The following UGT1A7 variants were observed in gnomAD, a reference collection of about 807,000 sequenced individuals.
UGT1A7 encodes UDP glucuronosyltransferase family 1 member A7, also known as UDP-glucuronosyltransferase 1A7.
Under a neutral mutation model 45.6 loss-of-function variants are expected in UGT1A7, and 33 were observed. The observed-to-expected ratio is 0.72, with a 90% CI of 0.55 to 0.97. The LOEUF is 0.97. UGT1A7 is among the 50% of genes least tolerant of loss of function. The probability of loss-of-function intolerance (pLI) is 0.00; values close to 1 mark genes in which losing one functional copy is unlikely to be tolerated. For missense variants in UGT1A7, 684 were observed against 666.2 expected (o/e 1.03, Z -0.29); for synonymous variants, 274 against 250.6 (o/e 1.09, Z -0.88).
chr2:233,719,009 A>G (rs762473757), intron 1 of UGT1A7: 43 of 1,614,078 alleles, frequency 2.7e-5, no homozygotes, highest in Admixed American at 2.3e-4. Flanking sequence ...TCCTCACCCC[A>G]GAGGTGAATA....
chr2:233,717,702 G>A, intron 1 of UGT1A7: 1 of 450,266 alleles, frequency 2.2e-6, no homozygotes, highest in Non-Finnish European at 4.5e-6. Flanking sequence ...TTCTGGAGCA[G>A]GACGAGCCTC....
At chr2:233,691,164 CT>C (rs1275224521) in intron 1 of UGT1A7, 1 of 985,620 alleles carries the variant, frequency 1.0e-6, no homozygotes, top group African/African-American at 1.7e-5. Flanking sequence ...GGAAACCTGC[CT>C]AATGTCTGCC....
intron 1 of UGT1A7, among the ~76,000 whole-genome samples, chr2:233,704,279 G>T (rs1481908490): frequency 9.5e-6 from 1 of 104,872 alleles, no homozygotes; most frequent in African/African-American, 4.5e-5. Context: ...TTTGCATTGA[G>T]TGAATATTTT....
intron 1 of UGT1A7, among the ~76,000 whole-genome samples, chr2:233,695,873 C>T (rs1342839498): frequency 6.6e-6 from 1 of 152,156 alleles, no homozygotes; most frequent in African/African-American, 2.4e-5. Context: ...ACAAACAACG[C>T]AGAAAACTTC....
intron 1 of UGT1A7, chr2:233,713,111 C>G: frequency 6.2e-7 from 1 of 1,614,252 alleles, no homozygotes; most frequent in Non-Finnish European, 8.5e-7. Context: ...ATGGCAGCCA[C>G]TGGCTCAGCA....
Position 233,742,350 on chromosome 2 carries a change from T to G in UGT1A7, c.856-24684T>G, listed in dbSNP as rs566927246. On this transcript the variant is annotated intron_variant, in intron 1 of 4. Transcript: ENST00000373426. ...CAAAGGGATGGGCTCTGGCTAATTATCTGCAGCAGAAACATGTCCTTAAGG... is the reference window on the plus strand; with the variant it reads ...CAAAGGGATGGGCTCTGGCTAATTAGCTGCAGCAGAAACATGTCCTTAAGG... Among the ~76,000 whole-genome samples, 10 of 152,136 alleles carry G rather than the reference T, an allele frequency of 6.6e-5. No homozygotes were observed. The East Asian group carries it at 9.6e-4, about 15-fold the overall frequency.
intron 1 of UGT1A7, chr2:233,729,228 G>A (rs752170717): frequency 1.9e-6 from 3 of 1,614,046 alleles, no homozygotes; most frequent in South Asian, 1.1e-5. Context: ...TGTTGGTGGT[G>A]CCCATTGATG....
intron 1 of UGT1A7, chr2:233,693,775 T>C (rs775225798): frequency 6.2e-7 from 1 of 1,614,262 alleles, no homozygotes; most frequent in South Asian, 1.1e-5. Context: ...TGTTAAGATA[T>C]GACTTTGTGC....
At chr2:233,717,127 G>C (rs182084738) in intron 1 of UGT1A7, among the ~76,000 whole-genome samples, 1 of 152,148 alleles carries the variant, frequency 6.6e-6, no homozygotes, top group South Asian at 2.1e-4. Context: ...CATGGAAATA[G>C]AACACCACTA....
intron 1 of UGT1A7, chr2:233,754,390 C>T (rs1695467678): frequency 3.3e-6 from 1 of 303,086 alleles, no homozygotes; most frequent in Admixed American, 4.5e-5. Context: ...AACAGAGGTC[C>T]TATCCGTGCA....
At chr2:233,743,556 T>A in intron 1 of UGT1A7, 1 of 1,367,030 alleles carries the variant, frequency 7.3e-7, no homozygotes, top group Non-Finnish European at 9.8e-7. Flanking sequence ...CCCAAAATAT[T>A]CTCCAGCGGG....
intron 4 of UGT1A7, chr2:233,770,334 G>T (rs1260169235): frequency 6.6e-6 from 1 of 152,106 alleles, no homozygotes; most frequent in East Asian, 1.9e-4. Flanking sequence ...GGCCATAATA[G>T]GTGCTCAATT....
At chr2:233,717,660 C>T (rs1182595168) in intron 1 of UGT1A7, 1 of 409,710 alleles carries the variant, frequency 2.4e-6, no homozygotes, top group Non-Finnish European at 5.0e-6. Context: ...AAGGAAGCAT[C>T]AGCAATCTTG....
At chr2:233,742,318 C>T (rs4663966) in intron 1 of UGT1A7, among the ~76,000 whole-genome samples, 10,868 of 151,974 alleles carry the variant, frequency 0.072, 603 homozygotes, top group East Asian at 0.2. Flanking sequence ...GTATTCCTTA[C>T]GGGAAACAAA....
chr2:233,716,902 C>A (rs2076532404), intron 1 of UGT1A7, among the ~76,000 whole-genome samples: 1 of 152,154 alleles, frequency 6.6e-6, no homozygotes, highest in African/African-American at 2.4e-5. Context: ...TCCTCATCTC[C>A]AGACCCTGGA....
In UGT1A7 at chr2:233,703,900, T is replaced by G. The variant is rs556559029; in HGVS notation, c.855+21108T>G. On this transcript the variant is annotated intron_variant, in intron 1 of 4. Transcript: ENST00000373426. ...GTCTACCATCATTTTTTTCTTTTCT[T>G]TTTTTTTTGAGACAAAATCTCATTC... 2.0e-5 allele frequency among the ~76,000 whole-genome samples: 3 copies of G among 151,044 alleles called. No homozygotes were observed. The East Asian group carries it at 5.8e-4, about 29-fold the overall frequency.
intron 1 of UGT1A7, among the ~76,000 whole-genome samples, chr2:233,690,102 T>C (rs139237594): frequency 2.0e-5 from 3 of 152,350 alleles, no homozygotes; most frequent in African/African-American, 7.2e-5. Context: ...CTCCTGCATC[T>C]TATGTCACAT....
chr2:233,713,808 A>G, intron 1 of UGT1A7: 2 of 1,614,048 alleles, frequency 1.2e-6, no homozygotes, highest in Non-Finnish European at 1.7e-6. Flanking sequence ...CATGCCCAAC[A>G]TGGTCTTCAT....
At chr2:233,718,993 C>CGGT (rs2076711815) in intron 1 of UGT1A7, 1 of 1,614,206 alleles carries the variant, frequency 6.2e-7, no homozygotes, top group Non-Finnish European at 8.5e-7. Flanking sequence ...GGCCACCAGG[C>CGGT]GGTGGTCCTC....
Sources: allele counts gnomAD v4.1 joint callset (sites outside exome capture counted in the v4.1 genomes callset), GRCh38; gene constraint gnomAD v4.1.1; transcripts MANE v1.5; gene names NCBI Gene and HGNC (gene_info 2026-07-23, HGNC 2026-07-21).